PCDH7: variants seen among roughly 807,000 people sequenced by gnomAD.
The protein encoded by PCDH7 is protocadherin 7, also known as protocadherin-7.
A neutral mutation model predicts 58.9 loss-of-function variants in PCDH7; 17 were observed. The observed-to-expected ratio is 0.29, with a 90% confidence interval of 0.20 to 0.43. The LOEUF (loss-of-function observed/expected upper bound fraction) is 0.43, where lower values mean the gene tolerates loss of function less well. PCDH7 is among the 20% of genes least tolerant of loss of function. The pLI is 1.00. For synonymous variants in PCDH7, 664 were observed against 616.4 expected (o/e 1.08, Z -1.14); for missense variants, 1,274 against 1,441.0 (o/e 0.88, Z 1.88).
At chr4:31,041,794 G>A (rs1340399378) in intron 3 of PCDH7, among the ~76,000 whole-genome samples, 1 of 150,412 alleles carries the variant, frequency 6.6e-6, no homozygotes, top group Non-Finnish European at 1.5e-5. Flanking sequence ...ACTGGCTTGG[G>A]CTATTTTTTA....
intron 1 of PCDH7, among the ~76,000 whole-genome samples, chr4:30,767,747 G>T (rs539634068): frequency 6.6e-6 from 1 of 152,282 alleles, no homozygotes; most frequent in East Asian, 1.9e-4. Flanking sequence ...TACTAGTAAG[G>T]CAGAATGTAG....
intron 1 of PCDH7, among the ~76,000 whole-genome samples, chr4:30,889,338 AAAT>A (rs1192306969): frequency 4.7e-5 from 7 of 148,108 alleles, no homozygotes; most frequent in Non-Finnish European, 7.5e-5. Flanking sequence ...TTTGTTACAA[AAAT>A]AATAATAATA....
exon 2 of PCDH7, chr4:30,732,569 A>C (rs1209345687): frequency 6.6e-6 from 1 of 152,212 alleles, no homozygotes; most frequent in Admixed American, 6.5e-5. Flanking sequence ...GAAAAGTACA[A>C]AATAAAATAG....
intron 2 of PCDH7, among the ~76,000 whole-genome samples, chr4:30,937,261 G>T (rs1438821800): frequency 6.6e-6 from 1 of 151,984 alleles, no homozygotes; most frequent in Non-Finnish European, 1.5e-5. Flanking sequence ...TGTAAACTCA[G>T]ATTTTTCCTT....
chr4:30,733,730 G>A (rs1419105068), downstream of PCDH7, among the ~76,000 whole-genome samples: 1 of 151,836 alleles, frequency 6.6e-6, no homozygotes, highest in African/African-American at 2.4e-5. Context: ...TAATGAACAG[G>A]TTTTTCACGA....
chr4:31,105,026 A>C (rs981645513), intron 3 of PCDH7, among the ~76,000 whole-genome samples: 1 of 152,330 alleles, frequency 6.6e-6, no homozygotes, highest in African/African-American at 2.4e-5. Flanking sequence ...TGAACTTAAT[A>C]AAATGGAAAA....
At chr4:30,752,363 C>A (rs1399054518) in intron 1 of PCDH7, among the ~76,000 whole-genome samples, 1 of 152,036 alleles carries the variant, frequency 6.6e-6, no homozygotes, top group East Asian at 1.9e-4. Flanking sequence ...TTCTTGGCTT[C>A]TTTGGCATGA....
At position 30,721,383 on chromosome 4, in the gene PCDH7, C is replaced by G. The variant is rs771978011; in HGVS notation, c.-40C>G. 121 of 1,439,598 alleles carry G rather than the reference C, an allele frequency of 8.4e-5. No individual in the cohort carries two copies. Among genetic ancestry groups the G allele is most frequent in the Non-Finnish European group, 4.1e-5 (45 of 1,097,810 alleles). The allele number at this position is 1,439,598 out of a possible 1,614,324, so 89.2% of individuals were successfully genotyped here. A position where few individuals can be genotyped will look rare whatever the true frequency, so the allele number is the denominator to read the frequency against. ...CCGGAGGAGGGGGGCGCCGAGGGGG[C>G]TGTGGTTAGAAGGAGCAGTAGCAGC... On this transcript the variant is annotated 5_prime_UTR_variant, in exon 1 of 2. Coordinates refer to ENST00000361762, the Ensembl canonical transcript of PCDH7. The surrounding 1 kb of genome is among the most constrained non-coding windows in gnomAD (Gnocchi z 6.7).
chr4:30,774,827 T>A (rs144196957), intron 1 of PCDH7, among the ~76,000 whole-genome samples: 475 of 152,296 alleles, frequency 3.1e-3, no homozygotes, highest in African/African-American at 0.011. Flanking sequence ...CATACCTAAC[T>A]GATAGTATTT....
At chr4:30,904,078 C>G (rs1740577741) in intron 1 of PCDH7, among the ~76,000 whole-genome samples, 1 of 152,178 alleles carries the variant, frequency 6.6e-6, no homozygotes, top group African/African-American at 2.4e-5. Flanking sequence ...ACTATAGCCT[C>G]TTTCATAAGT....
intron 3 of PCDH7, among the ~76,000 whole-genome samples, chr4:31,141,824 G>C (rs531881830): frequency 6.6e-6 from 1 of 152,088 alleles, no homozygotes; most frequent in African/African-American, 2.4e-5. Context: ...GTAGGAGGGG[G>C]GTGAGGGGAT....
chr4:30,779,015 T>TTG (rs1165231735), intron 1 of PCDH7, among the ~76,000 whole-genome samples: 2 of 142,702 alleles, frequency 1.4e-5, no homozygotes, highest in African/African-American at 2.7e-5. Flanking sequence ...TTTTTTTTTT[T>TTG]TTTTTTTTTT....
At chr4:30,916,304 C>T (rs1742465698) in intron 1 of PCDH7, among the ~76,000 whole-genome samples, 1 of 152,180 alleles carries the variant, frequency 6.6e-6, no homozygotes, top group South Asian at 2.1e-4. Context: ...ATTTCTTCTT[C>T]CTCCTCTTTC....
intron 1 of PCDH7, among the ~76,000 whole-genome samples, chr4:30,739,685 T>G (rs1056350489): frequency 6.6e-6 from 1 of 152,188 alleles, no homozygotes; most frequent in Admixed American, 6.5e-5. Flanking sequence ...TGTATGTATT[T>G]ATGTGTAGTG....
intron 3 of PCDH7, among the ~76,000 whole-genome samples, chr4:31,130,529 A>C (rs1199284493): frequency 6.6e-6 from 1 of 152,234 alleles, no homozygotes; most frequent in Non-Finnish European, 1.5e-5. Context: ...GAATGTGTTT[A>C]AGGTTCCCAT....
At chr4:30,878,442 G>T (rs1311400037) in intron 1 of PCDH7, among the ~76,000 whole-genome samples, 3 of 152,104 alleles carry the variant, frequency 2.0e-5, no homozygotes, top group Non-Finnish European at 2.9e-5. Context: ...AGGGAGAATG[G>T]TAGAATGAAG....
intron 3 of PCDH7, among the ~76,000 whole-genome samples, chr4:31,073,114 A>C (rs1295968906): frequency 2.0e-5 from 3 of 152,168 alleles, no homozygotes; most frequent in Non-Finnish European, 4.4e-5. Context: ...AGTCAAAGCA[A>C]GTGAAATAAG....
chr4:30,824,146 TCTTTCTTTCTTTCTTTTTG>T (rs1728800513), intron 1 of PCDH7, among the ~76,000 whole-genome samples: 1 of 137,916 alleles, frequency 7.3e-6, no homozygotes, highest in African/African-American at 2.7e-5. Context: ...TTTCTTTCTT[TCTTTCTTTCTTTCTTTTTG>T]CTTCCCTCAT....
chr4:31,117,383 C>G (rs1186871847), intron 3 of PCDH7, among the ~76,000 whole-genome samples: 1 of 152,016 alleles, frequency 6.6e-6, no homozygotes, highest in Non-Finnish European at 1.5e-5. Context: ...ATTAAGGGCA[C>G]TGAGCTTTAC....
Sources: gnomAD v4.1 joint callset for allele counts (sites outside exome capture counted in the v4.1 genomes callset) on GRCh38, gnomAD v4.1.1 for gene constraint, Gnocchi (gnomAD v3.1) non-coding constraint, MANE v1.5 for transcripts, NCBI Gene and HGNC (gene_info 2026-07-23, HGNC 2026-07-21) for gene names.